The following BRCA1 variants were observed in gnomAD, a reference collection of about 807,000 sequenced individuals.
The protein encoded by BRCA1 is BRCA1 DNA repair associated.
In BRCA1, 140 loss-of-function variants were observed where a neutral mutation model predicts 173.7. The ratio of observed to expected loss-of-function variants is 0.81; its 90% confidence interval spans 0.70 to 0.93. The LOEUF is 0.93. Ranked by LOEUF, BRCA1 falls within the 40% of genes least tolerant of loss-of-function variation. BRCA1 has a pLI of 0.00. For synonymous variants in BRCA1, 662 were observed against 756.0 expected, an observed-to-expected ratio of 0.88 and a Z score of 2.04; for missense variants, 1,983 against 2,172.5, an observed-to-expected ratio of 0.91 and a Z score of 1.73.
chr17:43,096,250 G>A lies in BRCA1; in HGVS notation c.594-328C>T, dbSNP rs547334043. 1.2e-4 allele frequency among the ~76,000 whole-genome samples: 18 copies of A among 151,686 alleles called. No homozygotes were observed. In the East Asian group the frequency reaches 2.5e-3, roughly 21 times the overall value. ...AAATTAGCCGGGTGTGGTGGCGCGC[G>A]CCTGTAGTCCCAGCTACTAGAGAGG... On this transcript the variant is annotated intron_variant, in intron 8 of 22. Coordinates refer to ENST00000357654, the MANE Select transcript of BRCA1 (RefSeq NM_007294.4).
At chr17:43,140,997 C>T (rs1267861335) in intron 1 of BRCA1, among the ~76,000 whole-genome samples, 2 of 152,198 alleles carry the variant, frequency 1.3e-5, no homozygotes, top group Admixed American at 1.3e-4. Context: ...AGCTGTTGGC[C>T]TTGTGTCCAC....
At chr17:43,164,336 G>A (rs1010333923) in intron 1 of BRCA1, 6 of 152,128 alleles carry the variant, frequency 3.9e-5, no homozygotes, top group Admixed American at 2.0e-4. Flanking sequence ...GGTCTTTATC[G>A]AAATCTCCCT....
upstream of BRCA1, chr17:43,125,465 GA>G (rs1042701541): frequency 2.8e-6 from 1 of 350,960 alleles, no homozygotes; most frequent in African/African-American, 2.1e-5. Context: ...CAGCCTCTCA[GA>G]ATACGAAATC....
chr17:43,106,332 T>C, intron 4 of BRCA1, 124 bp downstream of exon 4: 1 of 646,270 alleles, frequency 1.5e-6, no homozygotes, highest in South Asian at 2.0e-5. Flanking sequence ...ATTTACTGTG[T>C]GCTAAAAACT....
Position 43,093,624 on chromosome 17 carries a change from C to T in BRCA1, c.1907G>A (p.Cys636Tyr), listed in dbSNP as rs398122649. 1.9e-6 allele frequency: 3 copies of T among 1,613,862 alleles called. No homozygotes were observed. The highest frequency in any genetic ancestry group is 1.3e-5 in the African/African-American group (1 of 74,866). ...VVSRNLSPPN[C>Y]TELQIDSCSS... ...ACAACTATCAATTTGCAATTCAGTACAATTAGGTGGGCTTAGATTTCTACT... is the reference window on the plus strand; with the variant it reads ...ACAACTATCAATTTGCAATTCAGTATAATTAGGTGGGCTTAGATTTCTACT... Residue 636 changes from cysteine (C) to tyrosine (Y), a missense_variant, in exon 10 of 23, where the codon TGT becomes TAT. Coordinates refer to ENST00000357654, the MANE Select transcript of BRCA1 (RefSeq NM_007294.4).
At chr17:43,121,377 AAAAACAAAAC>A (rs891251174) in intron 2 of BRCA1, among the ~76,000 whole-genome samples, 2 of 151,700 alleles carry the variant, frequency 1.3e-5, no homozygotes, top group African/African-American at 2.4e-5. Context: ...CGTGTCTCAA[AAAAACAAAAC>A]AAAACAAAAC....
At chr17:43,116,125 T>C (rs2055284850) in intron 2 of BRCA1, among the ~76,000 whole-genome samples, 1 of 152,244 alleles carries the variant, frequency 6.6e-6, no homozygotes, top group Non-Finnish European at 1.5e-5. Flanking sequence ...TGGGTGCACA[T>C]CTCATCTTTA....
At chr17:43,149,265 GTTTTTTT>G (rs57452879) in intron 1 of BRCA1, among the ~76,000 whole-genome samples, 1 of 116,926 alleles carries the variant, frequency 8.6e-6, no homozygotes, top group South Asian at 3.4e-4. Flanking sequence ...CACCGGGCTA[GTTTTTTT>G]TTTTTTTTTT....
chr17:43,158,049 AAAG>A (rs2056209298), intron 1 of BRCA1, among the ~76,000 whole-genome samples: 1 of 152,192 alleles, frequency 6.6e-6, no homozygotes. Flanking sequence ...AAAGCAATGA[AAAG>A]CTAGAAAACA....
chr17:43,112,863 G>C (rs921039274), intron 3 of BRCA1, among the ~76,000 whole-genome samples: 2 of 151,826 alleles, frequency 1.3e-5, no homozygotes, highest in African/African-American at 4.8e-5. Context: ...GAGTGCAATG[G>C]CGCAATCTCG....
chr17:43,104,251 G>T lies in BRCA1; in HGVS notation c.312C>A (p.Ser104Arg), dbSNP rs766484283. 1 of 1,609,992 alleles carries T rather than the reference G, an allele frequency of 6.2e-7. No homozygotes were observed. Among genetic ancestry groups the T allele is most frequent in the Non-Finnish European group, 8.5e-7 (1 of 1,176,714 alleles). Reference protein sequence around the residue: ...QLDTGLEYANSYNFAKKENNS... With the variant: ...QLDTGLEYANRYNFAKKENNS... ...TATTTTCCTTTTTTGCAAAATTATA[G>T]CTGTTTGCATCTGTAAAATACAAGG... Residue 104 changes from serine (S) to arginine (R), a missense_variant, in exon 6 of 23, where the codon AGC becomes AGA. Transcript: ENST00000357654.
intron 1 of BRCA1, among the ~76,000 whole-genome samples, chr17:43,145,486 C>T (rs1399494358): frequency 6.6e-6 from 1 of 152,010 alleles, no homozygotes; most frequent in African/African-American, 2.4e-5. Flanking sequence ...ACCATCACGC[C>T]CGGCTAATTT....
chr17:43,089,385 T>G (rs980207568), intron 11 of BRCA1, among the ~76,000 whole-genome samples: 1 of 152,124 alleles, frequency 6.6e-6, no homozygotes, highest in Non-Finnish European at 1.5e-5. Flanking sequence ...TTTTTAGACG[T>G]TGTGATACAG....
upstream of BRCA1, chr17:43,125,599 C>G (rs555994106): frequency 3.0e-5 from 9 of 300,694 alleles, no homozygotes; most frequent in Admixed American, 3.2e-4. Context: ...AGAATTCTAC[C>G]TGAGTTTGCC....
At chr17:43,090,510 A>AT (rs1326881416) in intron 11 of BRCA1, among the ~76,000 whole-genome samples, 2 of 152,152 alleles carry the variant, frequency 1.3e-5, no homozygotes, top group Admixed American at 1.3e-4. Flanking sequence ...AATAGCTGGG[A>AT]TTACAAGGCA....
chr17:43,158,242 A>G (rs2056210401), intron 1 of BRCA1, among the ~76,000 whole-genome samples: 1 of 152,176 alleles, frequency 6.6e-6, no homozygotes, highest in Non-Finnish European at 1.5e-5. Flanking sequence ...CACACTATTG[A>G]GGATTTTTTT....
intron 14 of BRCA1, among the ~76,000 whole-genome samples, chr17:43,073,619 T>C (rs1275295147): frequency 6.6e-6 from 1 of 151,660 alleles, no homozygotes; most frequent in African/African-American, 2.4e-5. Context: ...TATGTAGTCA[T>C]TTATATTCAT....
At chr17:43,147,560 G>A (rs548555274) in intron 1 of BRCA1, among the ~76,000 whole-genome samples, 1 of 152,122 alleles carries the variant, frequency 6.6e-6, no homozygotes, top group South Asian at 2.1e-4. Flanking sequence ...CACCCGCCTC[G>A]GCCTCCCAAA....
intron 9 of BRCA1, 83 bp downstream of exon 9, chr17:43,095,763 G>A (rs2054104529): frequency 1.7e-6 from 2 of 1,144,110 alleles, no homozygotes; most frequent in Non-Finnish European, 1.3e-6. Context: ...GGTCCCAAAT[G>A]GTCTTCAGAA....
Sources: allele counts gnomAD v4.1 joint callset (sites outside exome capture counted in the v4.1 genomes callset), GRCh38; gene constraint gnomAD v4.1.1; transcripts MANE v1.5; gene names NCBI Gene and HGNC (gene_info 2026-07-23, HGNC 2026-07-21).